The following SYMPK variants were observed in gnomAD, a reference collection of about 807,000 sequenced individuals.
The protein encoded by SYMPK is symplekin scaffold protein, also known as symplekin.
A neutral mutation model predicts 136.4 loss-of-function variants in SYMPK; 49 were observed. The observed-to-expected ratio is 0.36, with a 90% CI of 0.29 to 0.46. The LOEUF (loss-of-function observed/expected upper bound fraction) is 0.46. Among genes scored for constraint, SYMPK ranks in the 20% least tolerant of loss-of-function variants. The pLI is 1.00. For synonymous variants in SYMPK, 766 were observed against 713.0 expected (o/e 1.07, Z -1.19); for missense variants, 1,365 against 1,690.0 (o/e 0.81, Z 3.37).
At position 45,829,047 on chromosome 19, in the gene SYMPK, C is replaced by A; in HGVS notation, c.1908G>T (p.Ser636=). ...AGTCCTCATACTTGTCCAGGGAGCC[C>A]GAGGCACCTGCGGCCAGGTAGGCGT... ...EYNAYLAAGA[S]GSLDKYEDCL... is the part of the protein sequence containing the mutation. Residue 636 remains serine (S), a synonymous_variant, in exon 14 of 27, where the codon TCG becomes TCT. Coordinates refer to ENST00000245934, the MANE Select transcript of SYMPK (RefSeq NM_004819.3). 1 of 1,614,100 alleles carries A rather than the reference C, an allele frequency of 6.2e-7. No homozygotes were observed. The highest frequency in any genetic ancestry group is 8.5e-7 in the Non-Finnish European group (1 of 1,180,034).
At chr19:45,819,777 C>A (rs1970846578) in intron 22 of SYMPK, 1 of 152,394 alleles carries the variant, frequency 6.6e-6, no homozygotes, top group African/African-American at 2.4e-5. Flanking sequence ...TAGACAAGCT[C>A]CCCAGAGGAA....
Position 45,838,603 on chromosome 19 carries a change from C to T in SYMPK, c.1100G>A (p.Gly367Glu), listed in dbSNP as rs1286856943. 2 of 1,613,712 alleles carry T rather than the reference C, an allele frequency of 1.2e-6. No homozygotes were observed. The highest frequency in any genetic ancestry group is 1.7e-6 in the Non-Finnish European group (2 of 1,179,786). The change falls in exon 10 of 27, where the codon GGG (glycine) becomes GAG (glutamate). Residue 367 changes from glycine to glutamate, a missense_variant. Physicochemically the swap from Gly to Glu is moderately conservative, Grantham distance 98. Around this residue, in one of 11 missense-constraint regions of SYMPK, gnomAD observed 111 missense variants for 141.2 expected, o/e 0.79. Coordinates refer to ENST00000245934, the MANE Select transcript of SYMPK (RefSeq NM_004819.3). ...CAAGTCTTTGTCCTCATCGTCCTCC[C>T]CCAGGTTGGGCTCTGGGATGAGGGA... is the stretch of plus-strand genomic sequence containing the variant. ...LKKMKLEPNL[G>E]EDDEDKDLEP... is the part of the protein sequence containing the mutation.
At chr19:45,829,953 C>A in intron 13 of SYMPK, 101 bp downstream of exon 13, 1 of 1,377,426 alleles carries the variant, frequency 7.3e-7, no homozygotes, top group Non-Finnish European at 9.7e-7. Context: ...GGGTCCGCAG[C>A]CAGGGAGGTT....
chr19:45,847,667 A>T, intron 7 of SYMPK, 85 bp downstream of exon 7: 1 of 1,508,120 alleles, frequency 6.6e-7, no homozygotes, highest in Non-Finnish European at 8.9e-7. Flanking sequence ...AAAACCAAAA[A>T]AGACAAGGGG....
intron 22 of SYMPK, chr19:45,819,246 G>A (rs541892336): frequency 6.6e-6 from 1 of 152,350 alleles, no homozygotes; most frequent in African/African-American, 2.4e-5. Context: ...ATAGCAGCCT[G>A]AAGGGTGTTT....
At chr19:45,838,644 G>A in intron 9 of SYMPK, 29 bp from the exon 10 acceptor site, 1 of 1,598,182 alleles carries the variant, frequency 6.3e-7, no homozygotes, top group Non-Finnish European at 8.6e-7. Context: ...ACAAGATGCT[G>A]GCTATAGAGA....
At chr19:45,854,152 C>T in intron 3 of SYMPK, 23 bp downstream of exon 3, 1 of 1,613,434 alleles carries the variant, frequency 6.2e-7, no homozygotes, top group Middle Eastern at 1.7e-4. Flanking sequence ...CTGCTCAGCC[C>T]AGGATGCCCC....
rs60254435 is a variant in SYMPK, at chr19:45,856,254, C to T, written c.-12-1747G>A. On this transcript the variant is annotated intron_variant, in intron 1 of 26. Coordinates refer to ENST00000245934, the MANE Select transcript of SYMPK (RefSeq NM_004819.3). ...ACTCAGGAGGCTGAGGCAGAAGAAT[C>T]GCTTGAACCCAGGAGGCGGAGGTTG... 5.6e-3 allele frequency among the ~76,000 whole-genome samples: 858 copies of T among 151,932 alleles called. 3 individuals are homozygous for T. The highest frequency in any genetic ancestry group is 0.019 in the African/African-American group (807 of 41,416).
intron 20 of SYMPK, 139 bp from the exon 21 acceptor site, chr19:45,822,985 C>T: frequency 1.4e-6 from 1 of 700,086 alleles, no homozygotes; most frequent in Non-Finnish European, 2.5e-6. Context: ...CCTCACCACA[C>T]CCTCAGGGCG....
intron 23 of SYMPK, chr19:45,817,222 T>G (rs1030620022): frequency 2.0e-6 from 1 of 496,962 alleles, no homozygotes; most frequent in South Asian, 2.6e-5. Flanking sequence ...GAGCTCCCCC[T>G]GGGCCAGGCC....
At chr19:45,839,804 C>A (rs1379402272) in intron 9 of SYMPK, among the ~76,000 whole-genome samples, 1 of 151,676 alleles carries the variant, frequency 6.6e-6, no homozygotes, top group South Asian at 2.1e-4. Flanking sequence ...TGCACTCCAG[C>A]CTGGGCAACA....
At chr19:45,828,869 G>A (rs1038679837) in intron 14 of SYMPK, 101 bp downstream of exon 14, 18 of 1,154,282 alleles carry the variant, frequency 1.6e-5, no homozygotes, top group South Asian at 1.1e-4. Context: ...GGACTGACTC[G>A]GGGGGTGACG....
intron 12 of SYMPK, 89 bp from the exon 13 acceptor site, chr19:45,830,293 G>A (rs1326847879): frequency 6.9e-7 from 1 of 1,449,454 alleles, no homozygotes; most frequent in Non-Finnish European, 9.4e-7. Context: ...GGACTAGGTA[G>A]GCAACAGAGA....
intron 14 of SYMPK, chr19:45,828,743 T>A (rs1368462814): frequency 3.5e-6 from 2 of 577,382 alleles, no homozygotes; most frequent in African/African-American, 3.8e-5. Context: ...TCAGAGCAAG[T>A]GGCAGAGCTG....
chr19:45,824,794 A>G (rs1031487817), intron 18 of SYMPK, among the ~76,000 whole-genome samples: 4 of 152,172 alleles, frequency 2.6e-5, no homozygotes, highest in African/African-American at 9.7e-5. Flanking sequence ...TCCCGTTAGC[A>G]ACACTGGGAA....
chr19:45,854,545 G>A (rs1407073069), intron 1 of SYMPK, 38 bp from the exon 2 acceptor site: 6 of 1,555,218 alleles, frequency 3.9e-6, no homozygotes, highest in Non-Finnish European at 4.4e-6. Context: ...TCAAGCTCAG[G>A]GAACCAGCGG....
chr19:45,817,579 G>A (rs1367139205), intron 23 of SYMPK, among the ~76,000 whole-genome samples: 2 of 151,938 alleles, frequency 1.3e-5, no homozygotes, highest in Non-Finnish European at 2.9e-5. Flanking sequence ...TTACAGGTGT[G>A]AACCATCACA....
chr19:45,835,251 GC>G, intron 10 of SYMPK, 23 bp from the exon 11 acceptor site: 1 of 1,550,012 alleles, frequency 6.5e-7, no homozygotes, highest in South Asian at 1.2e-5. Flanking sequence ...CAGGAAGAGA[GC>G]CTCTCCTTAA....
At chr19:45,828,776 C>T in intron 14 of SYMPK, 194 bp downstream of exon 14, 1 of 605,966 alleles carries the variant, frequency 1.7e-6, no homozygotes, top group Non-Finnish European at 2.9e-6. Flanking sequence ...GGGAGTGCGA[C>T]CTGGAGCCCA....
Sources: allele counts gnomAD v4.1 joint callset (sites outside exome capture counted in the v4.1 genomes callset), GRCh38; gene constraint gnomAD v4.1.1; regional missense constraint gnomAD v4.1.1; transcripts MANE v1.5; gene names NCBI Gene and HGNC (gene_info 2026-07-23, HGNC 2026-07-21).